Variants in ACSM2B observed in about 807,000 individuals in gnomAD.
The protein encoded by ACSM2B is acyl-CoA synthetase medium chain family member 2B.
ACSM2B carries 58 observed loss-of-function variants against 78.6 expected under a neutral mutation model. The ratio of observed to expected loss-of-function variants is 0.74; its 90% confidence interval spans 0.60 to 0.92. The LOEUF is 0.92. Among genes scored for constraint, ACSM2B ranks in the 40% least tolerant of loss-of-function variants. The pLI is 0.00. For missense variants in ACSM2B, 688 were observed against 711.2 expected, an observed-to-expected ratio of 0.97 and a Z score of 0.37; for synonymous variants, 257 against 256.8, an observed-to-expected ratio of 1.00 and a Z score of -0.01.
chr16:20,545,232 C>G lies in ACSM2B; in HGVS notation c.1206G>C (p.Leu402=), dbSNP rs768805777. The G allele has an allele frequency of 6.2e-7, 1 of 1,613,844 alleles. No individual in the cohort carries two copies. The highest frequency in any genetic ancestry group is 8.5e-7 in the Non-Finnish European group (1 of 1,179,818). The change falls in exon 10 of 14, where the codon CTG becomes CTC. Residue 402 remains leucine, a synonymous_variant. Transcript: ENST00000329697. Reference sequence around the variant, plus strand: ...CAATGTCTCCTTCTGTGCCGGGGGGCAGGACGTTGCCCTTATCATCTATAA... The same window carrying G: ...CAATGTCTCCTTCTGTGCCGGGGGGGAGGACGTTGCCCTTATCATCTATAA... ...VQVIDDKGNV[L]PPGTEGDIGI...
chr16:20,537,423 C>T (rs2014874585), intron 13 of ACSM2B, 61 bp from the exon 14 acceptor site: 1 of 1,585,766 alleles, frequency 6.3e-7, no homozygotes. Context: ...TTGCATTTTT[C>T]AGAACTGCTG....
intron 12 of ACSM2B, 34 bp from the exon 13 acceptor site, chr16:20,540,807 T>C: frequency 1.2e-6 from 2 of 1,608,920 alleles, no homozygotes; most frequent in Non-Finnish European, 8.5e-7. Context: ...AGATAAGGGA[T>C]TAGAGTGTGT....
rs9926166 is a variant in ACSM2B at position 20,554,072 on chromosome 16, A to C, written c.597-152T>G. ...GCTGCTGAGTGATTAAGATCATGGG[A>C]GCCTGAGTCAATCAGAGTTGGGTTT... On this transcript the variant is annotated intron_variant, in intron 4 of 13. Transcript: ENST00000329697. 0.011 allele frequency: 13,141 copies of C among 1,204,404 alleles called. 1,136 individuals carry two copies. In the African/African-American group the frequency reaches 0.18, roughly 17 times the overall value. 74.6% of individuals were successfully genotyped at this position (1,204,404 alleles called of 1,614,324 possible). A position where few individuals can be genotyped will look rare whatever the true frequency, so the allele number is the denominator to read the frequency against.
At position 20,538,777 on chromosome 16, in the gene ACSM2B, C is replaced by T. The variant is rs118083324; in HGVS notation, c.1630-1415G>A. ...TTTTGCAAATAAGGAAACTGAGGAA[C>T]GCAGAGGTTATCGAGTAAGTGGTGG... is the stretch of plus-strand genomic sequence containing the variant. On this transcript the variant is annotated intron_variant, in intron 13 of 13. Coordinates refer to ENST00000329697, the MANE Select transcript of ACSM2B (RefSeq NM_001105069.2). Among the ~76,000 whole-genome samples the T allele has an allele frequency of 5.9e-5, 9 of 152,256 alleles. No individual in the cohort carries two copies. In the East Asian group the frequency reaches 7.7e-4, roughly 13 times the overall value.
chr16:20,568,196 T>A (rs1049587828), intron 1 of ACSM2B, among the ~76,000 whole-genome samples: 1 of 143,774 alleles, frequency 7.0e-6, no homozygotes, highest in Non-Finnish European at 1.5e-5. Context: ...ATATATTATA[T>A]AAAATATAAA....
At chr16:20,560,645 G>C (rs1449820837) in intron 2 of ACSM2B, among the ~76,000 whole-genome samples, 5 of 152,012 alleles carry the variant, frequency 3.3e-5, no homozygotes, top group Non-Finnish European at 2.9e-5. Flanking sequence ...GTCCGATACA[G>C]AAAATTGGTA....
intron 4 of ACSM2B, among the ~76,000 whole-genome samples, chr16:20,554,393 A>T (rs1200967300): frequency 6.6e-6 from 1 of 152,176 alleles, no homozygotes; most frequent in Non-Finnish European, 1.5e-5. Flanking sequence ...AAGCACCTAC[A>T]TATCTCTTGG....
intron 1 of ACSM2B, among the ~76,000 whole-genome samples, chr16:20,566,676 CA>C (rs376985601): frequency 0.04 from 226 of 5,586 alleles, 22 homozygotes; most frequent in East Asian, 0.29. Context: ...ATAGTATATA[CA>C]TATAGTATAT....
Position 20,536,948 on chromosome 16 carries a change from G to C in ACSM2B, c.*310C>G. ...TCTTTCCTTTCTTCCTCCTTCCCTT[G>C]CTTCCTCTCGCCTTCCCTCCCTACT... On this transcript the variant is annotated 3_prime_UTR_variant, in exon 14 of 14. Coordinates refer to ENST00000329697, the MANE Select transcript of ACSM2B (RefSeq NM_001105069.2). The C allele has an allele frequency of 4.5e-6, 1 of 220,486 alleles. No individual in the cohort carries two copies. The highest frequency in any genetic ancestry group is 8.7e-6 in the Non-Finnish European group (1 of 114,966). The allele number at this position is 220,486 out of a possible 1,614,324, so 13.7% of individuals were successfully genotyped here.
chr16:20,559,247 G>A lies in ACSM2B; in HGVS notation c.378C>T (p.Cys126=), dbSNP rs766154898. The A allele has an allele frequency of 1.9e-6, 3 of 1,611,776 alleles. No homozygotes were observed. The highest frequency in any genetic ancestry group is 1.1e-5 in the South Asian group (1 of 90,750). Residue 126 remains cysteine (C), a synonymous_variant, in exon 3 of 14, where the codon TGC becomes TGT. Transcript: ENST00000329697. ...TAGTCAGTTACCAACCTGCTCGAATGCAGCCCAGGATCACCAGCCACCACT... is the reference window on the plus strand; with the variant it reads ...TAGTCAGTTACCAACCTGCTCGAATACAGCCCAGGATCACCAGCCACCACT... ...VPEWWLVILG[C]IRAGLIFMPG...
At chr16:20,573,816 A>T (rs959018296) in intron 1 of ACSM2B, among the ~76,000 whole-genome samples, 3 of 152,108 alleles carry the variant, frequency 2.0e-5, no homozygotes, top group Admixed American at 2.0e-4. Context: ...GGGTGTACGA[A>T]CAGGGAGTAG....
intron 6 of ACSM2B, chr16:20,549,821 G>A: frequency 4.5e-6 from 2 of 449,196 alleles, no homozygotes; most frequent in Non-Finnish European, 8.9e-6. Context: ...GGGGCTTCCA[G>A]CTTATAGGTA....
chr16:20,550,093 C>CG (rs2015261993), intron 6 of ACSM2B, among the ~76,000 whole-genome samples: 1 of 151,980 alleles, frequency 6.6e-6, no homozygotes, highest in African/African-American at 2.4e-5. Flanking sequence ...TGGCCTGAAA[C>CG]AGTCTCTCAG....
At chr16:20,538,395 C>T (rs2014900277) in intron 13 of ACSM2B, among the ~76,000 whole-genome samples, 1 of 152,182 alleles carries the variant, frequency 6.6e-6, no homozygotes, top group South Asian at 2.1e-4. Flanking sequence ...TTTAGCATTG[C>T]CTGGGCAAAG....
chr16:20,565,299 C>A (rs1177707605), intron 1 of ACSM2B, among the ~76,000 whole-genome samples: 2 of 152,100 alleles, frequency 1.3e-5, no homozygotes, highest in East Asian at 3.9e-4. Context: ...AAGAGATATG[C>A]TTTGGTCAAT....
Position 20,571,363 on chromosome 16 carries a change from T to C in ACSM2B, c.-9+4844A>G, listed in dbSNP as rs548658386. On this transcript the variant is annotated intron_variant, in intron 1 of 13. Transcript: ENST00000329697. The stretch of plus-strand genomic sequence containing the variant: ...TCAGGAACAGGTTATTTAATTTCCA[T>C]GTATTCATGTGATTTTGAAGATTCC... Among the ~76,000 whole-genome samples the C allele has an allele frequency of 2.7e-3, 408 of 150,906 alleles. 2 individuals are homozygous for C. The highest frequency in any genetic ancestry group is 9.0e-3 in the African/African-American group (363 of 40,470).
At chr16:20,567,418 A>C (rs1249623970) in intron 1 of ACSM2B, among the ~76,000 whole-genome samples, 1 of 119,324 alleles carries the variant, frequency 8.4e-6, no homozygotes, top group East Asian at 2.1e-4. Context: ...ATAATATATA[A>C]TATAGTATAT....
At chr16:20,557,448 T>C (rs1321409923) in intron 3 of ACSM2B, among the ~76,000 whole-genome samples, 1 of 151,556 alleles carries the variant, frequency 6.6e-6, no homozygotes, top group Non-Finnish European at 1.5e-5. Flanking sequence ...CCATCTCTAC[T>C]ACCTCAACCA....
At chr16:20,567,514 ATATATAAATTATATAAATAG>A (rs1345580679) in intron 1 of ACSM2B, among the ~76,000 whole-genome samples, 2 of 129,676 alleles carry the variant, frequency 1.5e-5, no homozygotes, top group Non-Finnish European at 3.2e-5. Context: ...TATATAAATA[ATATATAAATTATATAAATAG>A]TATATAATAT....
Sources: allele counts gnomAD v4.1 joint callset (sites outside exome capture counted in the v4.1 genomes callset), GRCh38; gene constraint gnomAD v4.1.1; transcripts MANE v1.5; gene names NCBI Gene and HGNC (gene_info 2026-07-23, HGNC 2026-07-21).